SLC9A9: variants seen among roughly 807,000 people sequenced by gnomAD.
The protein encoded by SLC9A9 is sodium/hydrogen exchanger 9.
SLC9A9 carries 62 observed loss-of-function variants against 77.8 expected under a neutral mutation model. The ratio of observed to expected loss-of-function variants is 0.80; its 90% CI spans 0.65 to 0.98. The LOEUF is 0.98. Among genes scored for constraint, SLC9A9 ranks in the 50% least tolerant of loss-of-function variants. SLC9A9 has a pLI of 0.00. For synonymous variants in SLC9A9, 320 were observed against 283.5 expected (o/e 1.13, Z -1.29); for missense variants, 775 against 774.9 (o/e 1.00, Z 0.00).
intron 9 of SLC9A9, among the ~76,000 whole-genome samples, chr3:143,496,624 T>C (rs1407697588): frequency 6.6e-6 from 1 of 152,224 alleles, no homozygotes; most frequent in Admixed American, 6.5e-5. Flanking sequence ...TCATCAATTA[T>C]CCTGAATGCT....
At position 143,275,797 on chromosome 3, in the gene SLC9A9, T is replaced by C. The variant is rs1001702346; in HGVS notation, c.1605-6817A>G. Among the ~76,000 whole-genome samples the C allele has an allele frequency of 3.3e-5, 5 of 152,224 alleles. No homozygotes were observed. In the South Asian group the frequency reaches 1.0e-3, roughly 32 times the overall value. On this transcript the variant is annotated intron_variant, in intron 14 of 15. Coordinates refer to ENST00000316549, the MANE Select transcript of SLC9A9 (RefSeq NM_173653.4). ...CATGTTTTCATTGTTTGTAGGAACA[T>C]TATTCTATTCCACACCCTCATTTTT...
intron 14 of SLC9A9, among the ~76,000 whole-genome samples, chr3:143,280,534 A>G (rs1360614196): frequency 1.3e-5 from 2 of 149,222 alleles, no homozygotes; most frequent in African/African-American, 5.0e-5. Context: ...GCCTCTACCT[A>G]GAACTACATT....
chr3:143,405,336 C>T (rs1018175238), intron 12 of SLC9A9, among the ~76,000 whole-genome samples: 3 of 152,172 alleles, frequency 2.0e-5, no homozygotes, highest in African/African-American at 7.2e-5. Context: ...GTAGACCTCC[C>T]ATTTTACCTC....
intron 6 of SLC9A9, chr3:143,620,611 C>T (rs2038188752): frequency 6.6e-6 from 1 of 152,520 alleles, no homozygotes; most frequent in Non-Finnish European, 1.5e-5. Flanking sequence ...GGTAACCAGC[C>T]TTTGAAAAAG....
chr3:143,478,490 G>T (rs1230635433), intron 11 of SLC9A9, among the ~76,000 whole-genome samples: 2 of 152,168 alleles, frequency 1.3e-5, no homozygotes, highest in Non-Finnish European at 2.9e-5. Context: ...CTAGGATCCT[G>T]CCCTACTCAC....
intron 6 of SLC9A9, among the ~76,000 whole-genome samples, chr3:143,592,865 G>A (rs995708183): frequency 6.6e-6 from 1 of 152,138 alleles, no homozygotes; most frequent in Non-Finnish European, 1.5e-5. Flanking sequence ...TTTACCCATG[G>A]CTAGATCTTC....
At chr3:143,609,841 A>G (rs950669012) in intron 6 of SLC9A9, among the ~76,000 whole-genome samples, 1 of 152,220 alleles carries the variant, frequency 6.6e-6, no homozygotes, top group African/African-American at 2.4e-5. Flanking sequence ...TAATGCATTT[A>G]TTAAACCAGT....
Position 143,268,867 on chromosome 3 carries a change from T to A in SLC9A9, c.1710+8A>T. ...TTCCCTCACCCTAGAGGCCTGAGAT[T>A]TACTTACCCCATAGGCTTGAGGACT... On this transcript the variant is annotated splice_region_variant and intron_variant, in intron 15 of 15. Coordinates refer to ENST00000316549, the MANE Select transcript of SLC9A9 (RefSeq NM_173653.4). 6.2e-7 allele frequency: 1 copy of A among 1,607,592 alleles called. No individual in the cohort carries two copies. Among genetic ancestry groups the A allele is most frequent in the Non-Finnish European group, 8.5e-7 (1 of 1,174,464 alleles).
intron 6 of SLC9A9, among the ~76,000 whole-genome samples, chr3:143,616,137 C>A (rs1406192650): frequency 6.6e-6 from 1 of 152,276 alleles, no homozygotes; most frequent in Non-Finnish European, 1.5e-5. Context: ...CCCGCCTCGG[C>A]CTCCCAAAGT....
At chr3:143,622,282 T>C (rs1025401751) in intron 6 of SLC9A9, among the ~76,000 whole-genome samples, 2 of 152,068 alleles carry the variant, frequency 1.3e-5, no homozygotes, top group African/African-American at 4.8e-5. Context: ...AAGATACTCC[T>C]CGAGAAGAGT....
chr3:143,267,130 A>G (rs745653149), intron 15 of SLC9A9, among the ~76,000 whole-genome samples: 12 of 152,016 alleles, frequency 7.9e-5, no homozygotes, highest in Non-Finnish European at 1.5e-4. Context: ...CTGTACAGCC[A>G]TAAGGGGTCT....
intron 11 of SLC9A9, among the ~76,000 whole-genome samples, chr3:143,489,226 ATAAAT>A (rs929952253): frequency 2.6e-5 from 4 of 151,962 alleles, no homozygotes; most frequent in African/African-American, 9.7e-5. Flanking sequence ...CATTACTGAA[ATAAAT>A]TAAAGAAGAA....
intron 1 of SLC9A9, chr3:143,847,718 T>C (rs1167395861): frequency 1.2e-5 from 2 of 170,740 alleles, no homozygotes; most frequent in Admixed American, 5.7e-5. Context: ...TTGAAATTAG[T>C]TGATATAAGA....
chr3:143,711,722 G>A (rs1481065072), intron 4 of SLC9A9, among the ~76,000 whole-genome samples: 1 of 151,976 alleles, frequency 6.6e-6, no homozygotes, highest in Non-Finnish European at 1.5e-5. Context: ...ACAGCTCCAG[G>A]CCAAAACGTT....
chr3:143,533,544 T>C (rs1294287624), intron 9 of SLC9A9, among the ~76,000 whole-genome samples: 4 of 152,100 alleles, frequency 2.6e-5, no homozygotes, highest in Non-Finnish European at 5.9e-5. Context: ...GATGAAGTAG[T>C]CAGACACATG....
chr3:143,793,022 G>A (rs997668365), intron 4 of SLC9A9, among the ~76,000 whole-genome samples: 5 of 152,096 alleles, frequency 3.3e-5, no homozygotes, highest in African/African-American at 1.2e-4. Flanking sequence ...AATTAAGAAA[G>A]TAACTACAAA....
chr3:143,848,192 T>C lies in SLC9A9; in HGVS notation c.131A>G (p.His44Arg). 1 of 1,614,008 alleles carries C rather than the reference T, an allele frequency of 6.2e-7. No homozygotes were observed. Among genetic ancestry groups the C allele is most frequent in the Non-Finnish European group, 8.5e-7 (1 of 1,179,922 alleles). Reference sequence around the variant, plus strand: ...AGTTTCATGCAAGAAGCGGAATCGATGATTTTTAAATAACCAGATTGTCAA... The same window carrying C: ...AGTTTCATGCAAGAAGCGGAATCGACGATTTTTAAATAACCAGATTGTCAA... Reference protein sequence around the residue: ...TILTIWLFKNHRFRFLHETGG... With the variant: ...TILTIWLFKNRRFRFLHETGG... The change falls in exon 1 of 16, where the codon CAT becomes CGT. Residue 44 changes from histidine (H) to arginine (R), a missense_variant. Physicochemically the swap from His to Arg is conservative, Grantham distance 29. Coordinates refer to ENST00000316549, the MANE Select transcript of SLC9A9 (RefSeq NM_173653.4).
chr3:143,386,931 C>T (rs929694523), intron 12 of SLC9A9, among the ~76,000 whole-genome samples: 1 of 152,224 alleles, frequency 6.6e-6, no homozygotes, highest in African/African-American at 2.4e-5. Context: ...ACCTCCACCT[C>T]CTGGGTTCAA....
intron 14 of SLC9A9, among the ~76,000 whole-genome samples, chr3:143,313,980 C>T (rs773819848): frequency 4.9e-4 from 75 of 152,312 alleles, no homozygotes; most frequent in South Asian, 1.7e-3. Flanking sequence ...TGTGGGACTG[C>T]GGATGTGAGG....
Sources: allele counts gnomAD v4.1 joint callset (sites outside exome capture counted in the v4.1 genomes callset), GRCh38; gene constraint gnomAD v4.1.1; transcripts MANE v1.5; gene names NCBI Gene and HGNC (gene_info 2026-07-23, HGNC 2026-07-21).